The following PIK3C2G variants were observed in gnomAD, a reference collection of about 807,000 sequenced individuals.
The protein encoded by PIK3C2G is phosphatidylinositol-4-phosphate 3-kinase catalytic subunit type 2 gamma.
In PIK3C2G, 168 loss-of-function variants were observed where a neutral mutation model predicts 181.1. That is an observed-to-expected ratio of 0.93 (90% CI 0.82 to 1.05). The LOEUF is 1.05. Among genes scored for constraint, PIK3C2G ranks in the 50% least tolerant of loss-of-function variants. The pLI, the probability that PIK3C2G is intolerant of heterozygous loss-of-function variation, is 0.00. For synonymous variants in PIK3C2G, 573 were observed against 592.2 expected, an observed-to-expected ratio of 0.97 and a Z score of 0.47; for missense variants, 1,869 against 1,732.8, an observed-to-expected ratio of 1.08 and a Z score of -1.40.
At chr12:18,713,538 C>T in the PIK3C2G span, among the ~76,000 whole-genome samples, 1 of 152,122 alleles carries the variant, frequency 6.6e-6, no homozygotes. Context: ...GTGTTGGCTA[C>T]ACAGTATGGA....
chr12:18,597,948 G>A (rs1242530278), intron 30 of PIK3C2G, among the ~76,000 whole-genome samples: 3 of 152,092 alleles, frequency 2.0e-5, no homozygotes, highest in Non-Finnish European at 4.4e-5. Context: ...CAAGGGATGT[G>A]AAGGACCTCT....
chr12:18,613,731 C>T (rs1948458618), intron 31 of PIK3C2G, among the ~76,000 whole-genome samples: 2 of 152,102 alleles, frequency 1.3e-5, no homozygotes, highest in South Asian at 2.1e-4. Flanking sequence ...TATGAGCATT[C>T]CAGAAGCCTC....
At chr12:18,467,119 A>C (rs1190731891) in intron 18 of PIK3C2G, among the ~76,000 whole-genome samples, 2 of 152,022 alleles carry the variant, frequency 1.3e-5, no homozygotes, top group Non-Finnish European at 2.9e-5. Context: ...TGAAACGCTC[A>C]ATGATAGGAA....
At chr12:18,601,006 G>C (rs1947678431) in intron 30 of PIK3C2G, among the ~76,000 whole-genome samples, 2 of 151,920 alleles carry the variant, frequency 1.3e-5, no homozygotes, top group African/African-American at 4.8e-5. Flanking sequence ...TACAAGGGTG[G>C]CAAATAAGAA....
At chr12:18,388,665 G>A (rs1040386927) in intron 14 of PIK3C2G, among the ~76,000 whole-genome samples, 7 of 152,278 alleles carry the variant, frequency 4.6e-5, no homozygotes, top group South Asian at 2.1e-4. Context: ...ATTGGCCCAG[G>A]GGCACCTTAT....
chr12:18,665,715 T>C, the PIK3C2G span, among the ~76,000 whole-genome samples: 1 of 152,054 alleles, frequency 6.6e-6, no homozygotes, highest in South Asian at 2.1e-4. Context: ...GGCAGGTGGA[T>C]CACGAGGTCA....
At chr12:18,480,997 A>G (rs1040045646) in intron 18 of PIK3C2G, among the ~76,000 whole-genome samples, 1 of 151,994 alleles carries the variant, frequency 6.6e-6, no homozygotes, top group African/African-American at 2.4e-5. Context: ...CAGTGGCGCA[A>G]TCTCGGCTCA....
intron 14 of PIK3C2G, among the ~76,000 whole-genome samples, chr12:18,384,895 G>A (rs1943069076): frequency 1.3e-5 from 2 of 152,086 alleles, no homozygotes; most frequent in Admixed American, 1.3e-4. Flanking sequence ...GATTTTAATT[G>A]GTGATGCAAT....
chr12:18,593,146 T>A (rs1358496025), intron 29 of PIK3C2G, among the ~76,000 whole-genome samples: 3 of 151,892 alleles, frequency 2.0e-5, no homozygotes, highest in Non-Finnish European at 4.4e-5. Flanking sequence ...CACCAGTCAA[T>A]TGGATTAGGG....
At chr12:18,428,607 A>T (rs1350435616) in intron 18 of PIK3C2G, among the ~76,000 whole-genome samples, 1 of 152,132 alleles carries the variant, frequency 6.6e-6, no homozygotes, top group Non-Finnish European at 1.5e-5. Flanking sequence ...CCAGATACTG[A>T]GCTATGAATA....
chr12:18,658,169 A>C, the PIK3C2G span, among the ~76,000 whole-genome samples: 1 of 152,178 alleles, frequency 6.6e-6, no homozygotes, highest in African/African-American at 2.4e-5. Flanking sequence ...GGAATAAAGA[A>C]AAATCAACAG....
chr12:18,619,660 T>G (rs930826980), intron 31 of PIK3C2G, among the ~76,000 whole-genome samples: 5 of 152,192 alleles, frequency 3.3e-5, no homozygotes, highest in Non-Finnish European at 7.3e-5. Context: ...TTTCAAGTAT[T>G]TGGAAAATTT....
At chr12:18,500,185 T>C (rs1343452074) in intron 22 of PIK3C2G, among the ~76,000 whole-genome samples, 1 of 152,084 alleles carries the variant, frequency 6.6e-6, no homozygotes, top group Non-Finnish European at 1.5e-5. Flanking sequence ...GCCCAGTGCT[T>C]GCCGGCCGGC....
chr12:18,305,429 A>G (rs1216738065), intron 5 of PIK3C2G, among the ~76,000 whole-genome samples: 1 of 152,168 alleles, frequency 6.6e-6, no homozygotes, highest in Non-Finnish European at 1.5e-5. Context: ...CCAAGAAGAC[A>G]TGGCAAATTA....
chr12:18,617,352 G>GT (rs552749063), intron 31 of PIK3C2G, among the ~76,000 whole-genome samples: 72 of 152,088 alleles, frequency 4.7e-4, no homozygotes, highest in Non-Finnish European at 7.5e-4. Context: ...ACTTTTCCAG[G>GT]TTTTTTGTCT....
At chr12:18,406,699 T>C (rs760122950) in intron 16 of PIK3C2G, among the ~76,000 whole-genome samples, 2 of 152,150 alleles carry the variant, frequency 1.3e-5, no homozygotes, top group Non-Finnish European at 2.9e-5. Flanking sequence ...GCCAACAGCC[T>C]GGAACACAAG....
At chr12:18,498,640 C>CCT (rs899559097) in intron 22 of PIK3C2G, among the ~76,000 whole-genome samples, 24 of 151,908 alleles carry the variant, frequency 1.6e-4, no homozygotes, top group African/African-American at 4.8e-4. Flanking sequence ...TGCCATGGAT[C>CCT]CTCACTGCCT....
At chr12:18,653,007 C>G (rs1228529263), downstream of PIK3C2G, among the ~76,000 whole-genome samples, 1 of 152,050 alleles carries the variant, frequency 6.6e-6, no homozygotes, top group African/African-American at 2.4e-5. Context: ...TTTGGACACA[C>G]AGTCACCCCC....
At chr12:18,607,822 G>C (rs1191894218) in intron 30 of PIK3C2G, among the ~76,000 whole-genome samples, 1 of 152,112 alleles carries the variant, frequency 6.6e-6, no homozygotes, top group Non-Finnish European at 1.5e-5. Flanking sequence ...CTAGTATCCA[G>C]AATCTACAAT....
Sources: gnomAD v4.1 joint callset for allele counts (sites outside exome capture counted in the v4.1 genomes callset) on GRCh38, gnomAD v4.1.1 for gene constraint, MANE v1.5 for transcripts, NCBI Gene and HGNC (gene_info 2026-07-23, HGNC 2026-07-21) for gene names.